Variants in SLC4A1AP observed in about 807,000 individuals in gnomAD.
SLC4A1AP encodes the protein solute carrier family 4 member 1 adaptor protein, also known as kanadaptin.
Under a neutral mutation model 89.7 loss-of-function variants are expected in SLC4A1AP, and 64 were observed. That is an observed-to-expected ratio of 0.71 (90% CI 0.58 to 0.88). The LOEUF (loss-of-function observed/expected upper bound fraction) is 0.88. Among genes scored for constraint, SLC4A1AP ranks in the 40% least tolerant of loss-of-function variants. The probability of loss-of-function intolerance (pLI) is 0.00; values close to 1 mark genes in which losing one functional copy is unlikely to be tolerated. For synonymous variants in SLC4A1AP, 366 were observed against 353.3 expected (o/e 1.04, Z -0.40); for missense variants, 931 against 965.0 (o/e 0.96, Z 0.47).
chr2:27,667,482 C>T, intron 3 of SLC4A1AP, 92 bp downstream of exon 3: 1 of 1,204,616 alleles, frequency 8.3e-7, no homozygotes. Flanking sequence ...CTAAGATATG[C>T]TATAATTTTA....
At chr2:27,675,199 C>G (rs1675496795) in intron 5 of SLC4A1AP, among the ~76,000 whole-genome samples, 1 of 152,146 alleles carries the variant, frequency 6.6e-6, no homozygotes. Context: ...ACTTTTTTAT[C>G]ATTCCATACT....
chr2:27,664,667 C>T (rs1675275204), intron 1 of SLC4A1AP, 90 bp downstream of exon 1: 2 of 996,860 alleles, frequency 2.0e-6, no homozygotes. Context: ...AAGAATCTCC[C>T]ACTCAGCGAT....
intron 12 of SLC4A1AP, among the ~76,000 whole-genome samples, chr2:27,690,492 A>T (rs866786579): frequency 7.9e-5 from 12 of 152,002 alleles, no homozygotes; most frequent in Middle Eastern, 6.8e-3. Context: ...TTTTATTTTT[A>T]TTTTTATTTT....
chr2:27,666,216 C>T (rs567748574), intron 2 of SLC4A1AP, among the ~76,000 whole-genome samples: 46 of 152,216 alleles, frequency 3.0e-4, no homozygotes, highest in Non-Finnish European at 5.0e-4. Flanking sequence ...TTTAAGATGA[C>T]GCATACAGCT....
At chr2:27,668,289 C>T (rs1026478377) in intron 3 of SLC4A1AP, among the ~76,000 whole-genome samples, 1 of 152,040 alleles carries the variant, frequency 6.6e-6, no homozygotes, top group African/African-American at 2.4e-5. Context: ...GCTGGGACTA[C>T]AGGCGCCCGC....
intron 8 of SLC4A1AP, among the ~76,000 whole-genome samples, chr2:27,679,421 T>G (rs2148136271): frequency 6.6e-6 from 1 of 152,142 alleles, no homozygotes; most frequent in South Asian, 2.1e-4. Context: ...GCTAACATGG[T>G]GAAACCCTGT....
intron 5 of SLC4A1AP, among the ~76,000 whole-genome samples, chr2:27,669,759 C>T (rs565622240): frequency 3.3e-5 from 5 of 152,240 alleles, no homozygotes; most frequent in East Asian, 1.9e-4. Flanking sequence ...AGCATGATCT[C>T]GGCTCACTGC....
At chr2:27,677,902 G>T (rs759441523) in exon 8 of SLC4A1AP, 36 of 1,603,042 alleles carry the variant, frequency 2.2e-5, no homozygotes, top group Non-Finnish European at 3.0e-5. Context: ...TGTAAAGCCA[G>T]CAGAGATTCC....
At chr2:27,675,715 G>C in intron 6 of SLC4A1AP, 23 bp downstream of exon 6, 1 of 1,521,734 alleles carries the variant, frequency 6.6e-7, no homozygotes, top group Non-Finnish European at 8.9e-7. Context: ...TATGGAAGTA[G>C]CTGTGGTATT....
intron 5 of SLC4A1AP, among the ~76,000 whole-genome samples, chr2:27,672,808 G>C (rs1675447518): frequency 6.6e-6 from 1 of 152,152 alleles, no homozygotes; most frequent in African/African-American, 2.4e-5. Context: ...TATCCTTTTG[G>C]TTTTCCTCGT....
rs142211883 is a variant in SLC4A1AP at position 27,685,230 on chromosome 2, T to G, written c.2069T>G (p.Met690Arg). The G allele has an allele frequency of 2.6e-4, 424 of 1,614,008 alleles. 1 individual carries two copies. The East Asian group carries it at 9.0e-3, about 34-fold the overall frequency. Residue 690 changes from methionine to arginine, a missense_variant, in exon 10 of 14, where the codon ATG becomes AGG. Coordinates refer to ENST00000613058, the Ensembl canonical transcript of SLC4A1AP. ...GAGCCAGAAGCAGCAGTGCAGGAAA[T>G]GAGGCCTCCCACAGATCTCACACAT...
chr2:27,668,904 G>T lies in SLC4A1AP; in HGVS notation c.1205+1G>T, dbSNP rs768432966. 6.2e-7 allele frequency: 1 copy of T among 1,613,606 alleles called. No individual in the cohort carries two copies. The highest frequency in any genetic ancestry group is 1.1e-5 in the South Asian group (1 of 91,036). On this transcript the variant is annotated splice_donor_variant, in intron 4 of 13. Transcript: ENST00000613058. LOFTEE classifies it high-confidence loss of function. Reference sequence around the variant, plus strand: ...ATAGCACTTGGCTCTGCAGGGTGAGGTATGCTCTTTTCTTATTAATGTTCT... The same window carrying T: ...ATAGCACTTGGCTCTGCAGGGTGAGTTATGCTCTTTTCTTATTAATGTTCT...
chr2:27,675,555 A>C, exon 6 of SLC4A1AP: 1 of 1,596,154 alleles, frequency 6.3e-7, no homozygotes, highest in East Asian at 2.2e-5. Flanking sequence ...GAAAGCCAAG[A>C]ACTGGGAAGA....
At chr2:27,686,589 A>AC (rs949537366) in intron 10 of SLC4A1AP, among the ~76,000 whole-genome samples, 8 of 151,952 alleles carry the variant, frequency 5.3e-5, no homozygotes, top group African/African-American at 9.7e-5. Context: ...ATGTGGTGAG[A>AC]CCCCGTCTCT....
intron 2 of SLC4A1AP, among the ~76,000 whole-genome samples, chr2:27,666,498 G>T (rs1675326032): frequency 6.6e-6 from 1 of 152,034 alleles, no homozygotes; most frequent in African/African-American, 2.4e-5. Flanking sequence ...TTATGAAGCT[G>T]AGTATTGGGA....
At chr2:27,680,043 A>G (rs891673067) in intron 8 of SLC4A1AP, among the ~76,000 whole-genome samples, 6 of 152,096 alleles carry the variant, frequency 3.9e-5, no homozygotes, top group African/African-American at 1.4e-4. Flanking sequence ...TTCATTGGTC[A>G]TAGGCTGCCG....
At chr2:27,668,030 G>A (rs1209998045) in intron 3 of SLC4A1AP, among the ~76,000 whole-genome samples, 1 of 152,102 alleles carries the variant, frequency 6.6e-6, no homozygotes, top group Admixed American at 6.5e-5. Context: ...TGGTTACTTT[G>A]ATCTGAGTTT....
intron 4 of SLC4A1AP, 65 bp from the exon 5 acceptor site, chr2:27,669,183 T>C (rs1675381335): frequency 2.0e-6 from 3 of 1,502,762 alleles, no homozygotes; most frequent in African/African-American, 1.4e-5. Flanking sequence ...TATCATAGCA[T>C]AGTAGTTGTT....
At chr2:27,674,016 G>C (rs1381649693) in intron 5 of SLC4A1AP, among the ~76,000 whole-genome samples, 1 of 151,490 alleles carries the variant, frequency 6.6e-6, no homozygotes, top group African/African-American at 2.4e-5. Flanking sequence ...GTGTGTGTGT[G>C]TGTGTGTGTG....
Sources: gnomAD v4.1 joint callset for allele counts (sites outside exome capture counted in the v4.1 genomes callset) on GRCh38, gnomAD v4.1.1 for gene constraint, MANE v1.5 for transcripts, NCBI Gene and HGNC (gene_info 2026-07-23, HGNC 2026-07-21) for gene names.